The following SMOC2 variants were observed in gnomAD, a reference collection of about 807,000 sequenced individuals.
SMOC2 encodes the protein SPARC related modular calcium binding 2.
SMOC2 carries 39 observed loss-of-function variants against 61.4 expected under a neutral mutation model. The ratio of observed to expected loss-of-function variants is 0.64; its 90% CI spans 0.49 to 0.83. SMOC2 has a LOEUF of 0.83. Among genes scored for constraint, SMOC2 ranks in the 40% least tolerant of loss-of-function variants. SMOC2 has a pLI of 0.00. For missense variants in SMOC2, 556 were observed against 592.9 expected, an observed-to-expected ratio of 0.94 and a Z score of 0.65; for synonymous variants, 247 against 239.9, an observed-to-expected ratio of 1.03 and a Z score of -0.27.
At chr6:168,610,453 G>A (rs1484401885) in intron 9 of SMOC2, among the ~76,000 whole-genome samples, 1 of 152,230 alleles carries the variant, frequency 6.6e-6, no homozygotes, top group Admixed American at 6.5e-5. Context: ...GATAGAGGCT[G>A]TTCCTGGTAG....
At chr6:168,639,939 T>C (rs1263830812) in intron 9 of SMOC2, among the ~76,000 whole-genome samples, 1 of 152,218 alleles carries the variant, frequency 6.6e-6, no homozygotes, top group Non-Finnish European at 1.5e-5. Flanking sequence ...CATGTGCAGA[T>C]CTCTGAGGAG....
intron 7 of SMOC2, among the ~76,000 whole-genome samples, chr6:168,574,369 C>T (rs1300680675): frequency 1.3e-5 from 2 of 152,228 alleles, no homozygotes; most frequent in African/African-American, 2.4e-5. Context: ...AGGAAGCCCC[C>T]GTCCTTAGGA....
chr6:168,583,059 C>A (rs1249978581), intron 7 of SMOC2, among the ~76,000 whole-genome samples: 1 of 152,218 alleles, frequency 6.6e-6, no homozygotes, highest in Non-Finnish European at 1.5e-5. Context: ...CTGTTTTGAA[C>A]AGGAGGAGCC....
At chr6:168,520,355 T>A (rs1245937535) in intron 2 of SMOC2, among the ~76,000 whole-genome samples, 1 of 152,212 alleles carries the variant, frequency 6.6e-6, no homozygotes, top group Non-Finnish European at 1.5e-5. Flanking sequence ...CTCTGAGGGC[T>A]ATCATTGCCG....
chr6:168,474,571 A>G (rs1167790607), intron 1 of SMOC2, among the ~76,000 whole-genome samples: 1 of 152,006 alleles, frequency 6.6e-6, no homozygotes, highest in Non-Finnish European at 1.5e-5. Context: ...TTTAAATACT[A>G]TTTGTGCTTG....
chr6:168,517,462 C>T (rs1334626315), intron 2 of SMOC2, among the ~76,000 whole-genome samples: 1 of 152,236 alleles, frequency 6.6e-6, no homozygotes, highest in Non-Finnish European at 1.5e-5. Context: ...AGGTGCAGCT[C>T]CTTCCACTTC....
chr6:168,496,718 C>A (rs567745535), intron 1 of SMOC2, among the ~76,000 whole-genome samples: 2 of 152,258 alleles, frequency 1.3e-5, no homozygotes, highest in East Asian at 1.9e-4. Context: ...CCTCCCGAGC[C>A]CTTCCCTGCC....
At chr6:168,606,623 A>G (rs1444773043) in intron 8 of SMOC2, among the ~76,000 whole-genome samples, 1 of 152,226 alleles carries the variant, frequency 6.6e-6, no homozygotes, top group Admixed American at 6.5e-5. Context: ...AATAGAACCT[A>G]AAGTGATCTC....
intron 7 of SMOC2, among the ~76,000 whole-genome samples, chr6:168,589,148 A>G (rs1031387605): frequency 6.6e-6 from 1 of 152,110 alleles, no homozygotes; most frequent in African/African-American, 2.4e-5. Context: ...ACCAGCCTAA[A>G]CTAGACGTGA....
chr6:168,664,950 T>C, intron 12 of SMOC2: 1 of 380,572 alleles, frequency 2.6e-6, no homozygotes, highest in Non-Finnish European at 5.3e-6. Flanking sequence ...CCTGTATTTG[T>C]TGTGGATTTA....
intron 1 of SMOC2, among the ~76,000 whole-genome samples, chr6:168,498,149 C>A (rs1279731173): frequency 6.6e-6 from 1 of 152,156 alleles, no homozygotes; most frequent in Non-Finnish European, 1.5e-5. Context: ...AGTTATGCCT[C>A]TCAGTGGAAA....
At chr6:168,487,181 G>A (rs1464037706) in intron 1 of SMOC2, among the ~76,000 whole-genome samples, 1 of 152,056 alleles carries the variant, frequency 6.6e-6, no homozygotes, top group Admixed American at 6.6e-5. Context: ...CTTTTTCCCC[G>A]GCAAAGCTGC....
At chr6:168,456,662 G>A (rs993782171) in intron 1 of SMOC2, among the ~76,000 whole-genome samples, 2 of 152,088 alleles carry the variant, frequency 1.3e-5, no homozygotes, top group East Asian at 1.9e-4. Flanking sequence ...TTCAAAACGC[G>A]CCCCAGGTCA....
chr6:168,595,247 ACGGG>A (rs1785294911), intron 7 of SMOC2, among the ~76,000 whole-genome samples: 4 of 82,572 alleles, frequency 4.8e-5, no homozygotes, highest in Admixed American at 1.3e-4. Context: ...CTGAGGCCTC[ACGGG>A]CATCTTTCTA....
At chr6:168,637,912 CTGAGCTGGAGCT>C (rs1786783773) in intron 9 of SMOC2, among the ~76,000 whole-genome samples, 1 of 102,130 alleles carries the variant, frequency 9.8e-6, no homozygotes, top group Non-Finnish European at 2.5e-5. Context: ...GTGCTGTATG[CTGAGCTGGAGCT>C]GGATGCTGAG....
At chr6:168,622,594 C>T (rs776915756) in intron 9 of SMOC2, among the ~76,000 whole-genome samples, 6 of 152,090 alleles carry the variant, frequency 3.9e-5, no homozygotes, top group Non-Finnish European at 7.3e-5. Flanking sequence ...CGGTTTCTTC[C>T]TGACCACTTA....
chr6:168,600,703 T>C (rs1343754549), intron 8 of SMOC2, among the ~76,000 whole-genome samples: 1 of 152,190 alleles, frequency 6.6e-6, no homozygotes, highest in African/African-American at 2.4e-5. Context: ...TTTCATAAAG[T>C]GAAAGAACCG....
intron 1 of SMOC2, among the ~76,000 whole-genome samples, chr6:168,509,476 T>C (rs1179651220): frequency 6.6e-6 from 1 of 152,166 alleles, no homozygotes. Context: ...CCCTCCCATT[T>C]CCAGATAGTG....
At chr6:168,457,399 G>A (rs1353505726) in intron 1 of SMOC2, among the ~76,000 whole-genome samples, 2 of 152,172 alleles carry the variant, frequency 1.3e-5, no homozygotes, top group Admixed American at 6.5e-5. Context: ...GGCTGACTGC[G>A]ATGGACTCAG....
Sources: allele counts gnomAD v4.1 joint callset (sites outside exome capture counted in the v4.1 genomes callset), GRCh38; gene constraint gnomAD v4.1.1; transcripts MANE v1.5; gene names NCBI Gene and HGNC (gene_info 2026-07-23, HGNC 2026-07-21).